The following NKD1 variants were observed in gnomAD, a reference collection of about 807,000 sequenced individuals.
NKD1 encodes NKD inhibitor of Wnt signaling pathway 1, also known as protein naked cuticle homolog 1.
A neutral mutation model predicts 56.0 loss-of-function variants in NKD1; 21 were observed. The observed-to-expected ratio is 0.38, with a 90% CI of 0.27 to 0.54. The LOEUF (loss-of-function observed/expected upper bound fraction) is 0.54. Among genes scored for constraint, NKD1 ranks in the 20% least tolerant of loss-of-function variants. The pLI, the probability that NKD1 is intolerant of heterozygous loss-of-function variation, is 0.82. For missense variants in NKD1, 578 were observed against 642.7 expected (o/e 0.90, Z 1.09); for synonymous variants, 263 against 265.7 (o/e 0.99, Z 0.10).
chr16:50,550,514 G>C (rs549963161), intron 3 of NKD1, among the ~76,000 whole-genome samples: 1 of 152,204 alleles, frequency 6.6e-6, no homozygotes, highest in Admixed American at 6.5e-5. Flanking sequence ...TGCTGGTGTC[G>C]GGAGGTGGAC....
intron 3 of NKD1, among the ~76,000 whole-genome samples, chr16:50,552,826 A>T (rs554923343): frequency 6.6e-6 from 1 of 152,324 alleles, no homozygotes; most frequent in Admixed American, 6.5e-5. Flanking sequence ...TAGGGCTGGG[A>T]TAAGAATGCT....
At chr16:50,631,849 G>C (rs1040534676) in intron 8 of NKD1, among the ~76,000 whole-genome samples, 5 of 152,224 alleles carry the variant, frequency 3.3e-5, no homozygotes, top group Admixed American at 2.6e-4. Context: ...CATGGGGTCT[G>C]CCTGGCCCAA....
chr16:50,632,210 C>T lies in NKD1; in HGVS notation c.696-71C>T. On this transcript the variant is annotated intron_variant, in intron 8 of 9. Transcript: ENST00000268459. This position sits in a 1 kb window ranked among gnomAD's most constrained non-coding sequence, Gnocchi z 4.1. ...GGTCCAGAGTTCATTCTGGGGGCTT[C>T]CTAGTAGCCTATGCGCTTGCCCCCA... 1.3e-6 allele frequency: 2 copies of T among 1,500,450 alleles called. No homozygotes were observed. The highest frequency in any genetic ancestry group is 2.3e-5 in the East Asian group (1 of 44,102). 92.9% of individuals were successfully genotyped at this position (1,500,450 alleles called of 1,614,324 possible).
rs1962389568 is a variant in NKD1, at chr16:50,633,334, C to T, written c.966C>T (p.Asp322=). ...GVDPASFHFL[D]TPIAKVSELQ... is the part of the protein sequence containing the mutation. Reference sequence around the variant, plus strand: ...ACCCGGCCTCCTTCCACTTCCTTGACACCCCAATCGCCAAGGTCTCAGAGC... The same window carrying T: ...ACCCGGCCTCCTTCCACTTCCTTGATACCCCAATCGCCAAGGTCTCAGAGC... Residue 322 remains aspartate, a synonymous_variant, in exon 10 of 10, where the codon GAC becomes GAT. Transcript: ENST00000268459. This position sits in a 1 kb window ranked among gnomAD's most constrained non-coding sequence, Gnocchi z 4.9. 3 of 1,614,196 alleles carry T rather than the reference C, an allele frequency of 1.9e-6. No homozygotes were observed. The highest frequency in any genetic ancestry group is 2.5e-6 in the Non-Finnish European group (3 of 1,180,016).
At chr16:50,548,690 C>T (rs1960295223) in intron 1 of NKD1, 27 bp from the exon 2 acceptor site, 2 of 1,465,582 alleles carry the variant, frequency 1.4e-6, no homozygotes, top group East Asian at 3.0e-5. Flanking sequence ...CTGCCGCCGC[C>T]GCCGCCGCCT....
chr16:50,558,348 A>G (rs920944293), intron 3 of NKD1: 4 of 152,196 alleles, frequency 2.6e-5, no homozygotes, highest in African/African-American at 9.6e-5. Context: ...TGGACTCAAC[A>G]TTGTGCCTAA....
chr16:50,615,701 A>G lies in NKD1; in HGVS notation c.260-5901A>G, dbSNP rs1174382262. Among the ~76,000 whole-genome samples the G allele has an allele frequency of 7.9e-5, 12 of 152,316 alleles. No individual in the cohort carries two copies. The South Asian group carries it at 2.5e-3, about 32-fold the overall frequency. On this transcript the variant is annotated intron_variant, in intron 4 of 9. Coordinates refer to ENST00000268459, the MANE Select transcript of NKD1 (RefSeq NM_033119.5). ...GCCACTGGAGGGGTTTAAGCAGGGA[A>G]ACGGCATAATCAGTTTTGGTTTTTA...
At chr16:50,584,083 G>GGGA (rs1381437632) in intron 3 of NKD1, among the ~76,000 whole-genome samples, 1 of 152,210 alleles carries the variant, frequency 6.6e-6, no homozygotes, top group Non-Finnish European at 1.5e-5. Context: ...GCGAGTAGGT[G>GGGA]GGAGCTGTAT....
At chr16:50,557,380 A>C (rs1382064785) in intron 3 of NKD1, 1 of 152,130 alleles carries the variant, frequency 6.6e-6, no homozygotes, top group Non-Finnish European at 1.5e-5. Context: ...CCTCTGTGAG[A>C]GTGGAACTAA....
At chr16:50,625,698 C>A in intron 6 of NKD1, 118 bp downstream of exon 6, 1 of 683,620 alleles carries the variant, frequency 1.5e-6, no homozygotes, top group Admixed American at 2.2e-5. Context: ...TCAGGGAAGG[C>A]CGTAACAGCC....
chr16:50,554,869 A>G (rs1960468886), intron 3 of NKD1, among the ~76,000 whole-genome samples: 1 of 152,016 alleles, frequency 6.6e-6, no homozygotes, highest in Non-Finnish European at 1.5e-5. Flanking sequence ...ATCCTCCCAC[A>G]TCAGCCTCCC....
At position 50,549,507 on chromosome 16, in the gene NKD1, G is replaced by C. The variant is rs748521552; in HGVS notation, c.144G>C (p.Ser48=). ...IGRQRCPGGV[S]GPRQLRLAGT... is the part of the protein sequence containing the mutation. ...GACAGCGCTGCCCGGGCGGTGTCTC[G>C]GGACCCCGACAGCTGCGGTTGGCGG... The change falls in exon 3 of 10, where the codon TCG becomes TCC. Residue 48 remains serine (S), a synonymous_variant. Transcript: ENST00000268459. 1.9e-6 allele frequency: 3 copies of C among 1,608,650 alleles called. No individual in the cohort carries two copies. Among genetic ancestry groups the C allele is most frequent in the South Asian group, 2.2e-5 (2 of 90,802 alleles).
intron 3 of NKD1, chr16:50,574,556 C>T (rs750910762): frequency 3.1e-4 from 305 of 985,284 alleles, no homozygotes; most frequent in Non-Finnish European, 3.5e-4. Context: ...AGCGTGGTCT[C>T]GCCTTGGATT....
Position 50,632,578 on chromosome 16 carries a change from TTAAAG to T in NKD1, c.823+174_823+178del, listed in dbSNP as rs1252403639. 1.3e-5 allele frequency among the ~76,000 whole-genome samples: 2 copies of T among 152,182 alleles called. No individual in the cohort carries two copies. Among genetic ancestry groups the T allele is most frequent in the Non-Finnish European group, 2.9e-5 (2 of 68,036 alleles). On this transcript the variant is annotated intron_variant, in intron 9 of 9. Transcript: ENST00000268459. This position sits in a 1 kb window ranked among gnomAD's most constrained non-coding sequence, Gnocchi z 4.1. ...AGTGACGTTAAAAATGGTTTCAAAA[TTAAAG>T]TAATACATGCACGAAATCGAACAAA...
At chr16:50,559,273 CAG>C (rs1960571164) in intron 3 of NKD1, among the ~76,000 whole-genome samples, 8 of 152,130 alleles carry the variant, frequency 5.3e-5, no homozygotes, top group Admixed American at 5.2e-4. Flanking sequence ...GATGTGTGCT[CAG>C]TGTGGTACCA....
intron 3 of NKD1, among the ~76,000 whole-genome samples, chr16:50,561,127 G>A (rs1960622313): frequency 6.6e-6 from 1 of 152,128 alleles, no homozygotes; most frequent in Admixed American, 6.5e-5. Context: ...CACTCCCTTT[G>A]CTTAGGGAAT....
intron 4 of NKD1, among the ~76,000 whole-genome samples, chr16:50,614,469 G>A (rs1961918228): frequency 1.3e-5 from 2 of 152,092 alleles, no homozygotes; most frequent in Non-Finnish European, 2.9e-5. Flanking sequence ...CTGTCCCCTG[G>A]TGGCTTCTCC....
chr16:50,563,166 A>G (rs1252356346), intron 3 of NKD1, among the ~76,000 whole-genome samples: 1 of 152,238 alleles, frequency 6.6e-6, no homozygotes, highest in African/African-American at 2.4e-5. Flanking sequence ...TTTAAGATAT[A>G]TTTTATTTGA....
In NKD1 at chr16:50,621,375, G is replaced by GC. The variant is rs529868054; in HGVS notation, c.260-221dup. 3.0e-4 allele frequency among the ~76,000 whole-genome samples: 45 copies of GC among 152,332 alleles called. No homozygotes were observed. In the South Asian group the frequency reaches 7.7e-3, roughly 26 times the overall value. On this transcript the variant is annotated intron_variant, in intron 4 of 9. Coordinates refer to ENST00000268459, the MANE Select transcript of NKD1 (RefSeq NM_033119.5). Reference sequence around the variant, plus strand: ...CATAGGCTGGTGGGGGCCTGAGGGGGCCCCCCACGGTGCAAGTGGGTGCAC... The same window carrying GC: ...CATAGGCTGGTGGGGGCCTGAGGGGGCCCCCCCACGGTGCAAGTGGGTGCAC...
Sources: allele counts gnomAD v4.1 joint callset (sites outside exome capture counted in the v4.1 genomes callset), GRCh38; gene constraint gnomAD v4.1.1; non-coding constraint Gnocchi (gnomAD v3.1); transcripts MANE v1.5; gene names NCBI Gene and HGNC (gene_info 2026-07-23, HGNC 2026-07-21).